SPAG5: variants seen among roughly 807,000 people sequenced by gnomAD.
The protein encoded by SPAG5 is sperm-associated antigen 5.
Under a neutral mutation model 145.4 loss-of-function variants are expected in SPAG5, and 99 were observed. The observed-to-expected ratio is 0.68, with a 90% confidence interval of 0.58 to 0.80. SPAG5 has a LOEUF of 0.80. Ranked by LOEUF, SPAG5 falls within the 30% of genes least tolerant of loss-of-function variation. The pLI, the probability that SPAG5 is intolerant of heterozygous loss-of-function variation, is 0.00. For synonymous variants in SPAG5, 477 were observed against 525.4 expected (o/e 0.91, Z 1.26); for missense variants, 1,192 against 1,416.0 (o/e 0.84, Z 2.54).
At chr17:28,588,684 ATTG>A (rs567385942) in intron 4 of SPAG5, among the ~76,000 whole-genome samples, 2 of 151,952 alleles carry the variant, frequency 1.3e-5, no homozygotes, top group Non-Finnish European at 2.9e-5. Context: ...CCTCTAGAAC[ATTG>A]TTGTTGTTGT....
chr17:28,579,506 T>C (rs756269999), intron 17 of SPAG5, 21 bp from the exon 18 acceptor site: 16 of 1,611,812 alleles, frequency 9.9e-6, no homozygotes, highest in Admixed American at 1.7e-5. Context: ...AAGTCCCAGA[T>C]AGAGGTCTAG....
chr17:28,585,513 A>T (rs757997305), intron 8 of SPAG5, 21 bp downstream of exon 8: 1 of 1,614,010 alleles, frequency 6.2e-7, no homozygotes, highest in Non-Finnish European at 8.5e-7. Context: ...GACCCCAGGA[A>T]AGAAAATGCC....
chr17:28,582,355 C>G (rs2070554653), intron 15 of SPAG5, among the ~76,000 whole-genome samples: 1 of 152,216 alleles, frequency 6.6e-6, no homozygotes, highest in African/African-American at 2.4e-5. Context: ...ACGTACGACT[C>G]TCATATGTAG....
chr17:28,582,320 T>G (rs187009724), intron 15 of SPAG5, among the ~76,000 whole-genome samples: 1 of 152,286 alleles, frequency 6.6e-6, no homozygotes, highest in African/African-American at 2.4e-5. Context: ...AAAGAACACA[T>G]CATGTACTAT....
chr17:28,590,049 G>T (rs1339118740), intron 4 of SPAG5, among the ~76,000 whole-genome samples: 7 of 152,176 alleles, frequency 4.6e-5, no homozygotes, highest in African/African-American at 1.7e-4. Flanking sequence ...TTAGGATAGA[G>T]AAATCTTTTA....
Position 28,578,594 on chromosome 17 carries a change from C to A in SPAG5, c.3199-66G>T, listed in dbSNP as rs768858342. On this transcript the variant is annotated intron_variant, in intron 20 of 23. Coordinates refer to ENST00000321765, the MANE Select transcript of SPAG5 (RefSeq NM_006461.4). ...ATAGACAACATGTGGTGAACAAAAG[C>A]AAACCATTTCTCATACTTGGGATCC... is the stretch of plus-strand genomic sequence containing the variant. The A allele has an allele frequency of 3.4e-4, 548 of 1,609,280 alleles. 2 individuals carry two copies. Among genetic ancestry groups the A allele is most frequent in the Non-Finnish European group, 1.8e-4 (212 of 1,177,346 alleles).
In SPAG5 at chr17:28,592,516, G is replaced by A; in HGVS notation, c.728C>T (p.Ser243Phe). The change falls in exon 3 of 24, where the codon TCC (serine) becomes TTC (phenylalanine). Residue 243 changes from serine (S) to phenylalanine (F), a missense_variant. Physicochemically the swap from Ser to Phe is radical, Grantham distance 155 (BLOSUM62 -2). Coordinates refer to ENST00000321765, the MANE Select transcript of SPAG5 (RefSeq NM_006461.4). Reference protein sequence around the residue: ...VPSESNAFLPSSVLWLSPSTA... With the variant: ...VPSESNAFLPFSVLWLSPSTA... The stretch of plus-strand genomic sequence containing the variant: ...TGAAGGGGAAAGCCAGAGAACAGAG[G>A]AAGGCAAGAAGGCGTTACTTTCAGA... The A allele has an allele frequency of 6.2e-7, 1 of 1,614,138 alleles. No homozygotes were observed. Among genetic ancestry groups the A allele is most frequent in the Non-Finnish European group, 8.5e-7 (1 of 1,180,038 alleles).
At chr17:28,596,742 T>C (rs888741500) in intron 2 of SPAG5, among the ~76,000 whole-genome samples, 14 of 152,210 alleles carry the variant, frequency 9.2e-5, no homozygotes, top group Non-Finnish European at 1.8e-4. Flanking sequence ...CTAGTACTTA[T>C]TTATTTTTCA....
chr17:28,591,906 AAAG>A, intron 3 of SPAG5, 34 bp from the exon 4 acceptor site: 5 of 1,610,870 alleles, frequency 3.1e-6, no homozygotes, highest in Non-Finnish European at 3.4e-6. Context: ...GACGAAAAGA[AAAG>A]GAGGGGAAGG....
chr17:28,582,316 C>T (rs1024456682), intron 15 of SPAG5, among the ~76,000 whole-genome samples: 1 of 152,212 alleles, frequency 6.6e-6, no homozygotes, highest in African/African-American at 2.4e-5. Flanking sequence ...TAAAAAAGAA[C>T]ACATCATGTA....
chr17:28,594,439 C>G lies in SPAG5; in HGVS notation c.178-1373G>C, dbSNP rs542957443. Among the ~76,000 whole-genome samples the G allele has an allele frequency of 1.4e-3, 206 of 152,122 alleles. 1 individual carries two copies. Among genetic ancestry groups the G allele is most frequent in the Middle Eastern group, 0.01 (3 of 294 alleles). ...TGAAACCCCGTCTCTACTAAAAATA[C>G]AAAAAATTAGCTGGCTGTGGTGGCG... On this transcript the variant is annotated intron_variant, in intron 2 of 23. Coordinates refer to ENST00000321765, the MANE Select transcript of SPAG5 (RefSeq NM_006461.4).
rs763508195 is a variant in SPAG5 at position 28,598,998 on chromosome 17, T to G, written c.-52A>C. 5 of 1,568,492 alleles carry G rather than the reference T, an allele frequency of 3.2e-6. No individual in the cohort carries two copies. In the African/African-American group the frequency reaches 6.8e-5, roughly 21 times the overall value. Reference sequence around the variant, plus strand: ...GTCTCAGACCAAGTCGAGGACGCCATGTTCACCCGCCGTCTGTGTTTGAAC... The same window carrying G: ...GTCTCAGACCAAGTCGAGGACGCCAGGTTCACCCGCCGTCTGTGTTTGAAC... On this transcript the variant is annotated 5_prime_UTR_variant, in exon 1 of 24. It removes an upstream start codon present in the reference 5' UTR. Transcript: ENST00000321765.
rs1444732214 is a variant in SPAG5, at chr17:28,597,584, TG to T, written c.177+925del. Among the ~76,000 whole-genome samples the T allele has an allele frequency of 1.2e-4, 18 of 152,362 alleles. No homozygotes were observed. The South Asian group carries it at 1.4e-3, about 12-fold the overall frequency. On this transcript the variant is annotated intron_variant, in intron 2 of 23. Transcript: ENST00000321765. ...ATTTTGCAACTCTTTCAAGAAAGAC[TG>T]CTATGCTATCATCATACTTCTGTTA...
chr17:28,590,895 T>TAAAAAAAAAA (rs2070617021), intron 4 of SPAG5, among the ~76,000 whole-genome samples: 1 of 113,268 alleles, frequency 8.8e-6, no homozygotes, highest in Non-Finnish European at 1.9e-5. Flanking sequence ...AAAAAAAAAC[T>TAAAAAAAAAA]AAAAGTATAA....
chr17:28,589,699 C>T (rs1000709293), intron 4 of SPAG5, among the ~76,000 whole-genome samples: 3 of 152,066 alleles, frequency 2.0e-5, no homozygotes, highest in Admixed American at 6.5e-5. Flanking sequence ...CACTTGAGCC[C>T]AGGGGTTTGA....
At chr17:28,583,786 C>A in intron 14 of SPAG5, 67 bp downstream of exon 14, 1 of 1,566,912 alleles carries the variant, frequency 6.4e-7, no homozygotes, top group South Asian at 1.2e-5. Flanking sequence ...GAGATTTTGG[C>A]TTCTAGAAGT....
intron 18 of SPAG5, 51 bp downstream of exon 18, chr17:28,579,314 A>C: frequency 1.2e-6 from 2 of 1,613,780 alleles, no homozygotes; most frequent in Non-Finnish European, 1.7e-6. Flanking sequence ...GACCCTTGGC[A>C]TAAGAGGATG....
In SPAG5 at chr17:28,579,262, G is replaced by T; in HGVS notation, c.3006-10C>A. 6.2e-7 allele frequency: 1 copy of T among 1,614,048 alleles called. No homozygotes were observed. Among genetic ancestry groups the T allele is most frequent in the Non-Finnish European group, 8.5e-7 (1 of 1,179,912 alleles). ...AGCTTGCAGCTCACAACTGAAGGAAGGAAGAATTTAGCAACATTCCTGTCC... is the reference window on the plus strand; with the variant it reads ...AGCTTGCAGCTCACAACTGAAGGAATGAAGAATTTAGCAACATTCCTGTCC... On this transcript the variant is annotated splice_polypyrimidine_tract_variant and intron_variant, in intron 18 of 23. Transcript: ENST00000321765.
Position 28,580,022 on chromosome 17 carries a change from T to A in SPAG5, c.2784A>T (p.Ala928=), listed in dbSNP as rs567122837. The change falls in exon 16 of 24, where the codon GCA becomes GCT. Residue 928 remains alanine (A), a synonymous_variant. Coordinates refer to ENST00000321765, the MANE Select transcript of SPAG5 (RefSeq NM_006461.4). ...DRTFLGSILT[A]VADEEPESTP... is the part of the protein sequence containing the mutation. ...AGGGCCTTTAACCTTCATCTGCCAC[T>A]GCTGTCAAGATGCTTCCCAGGAAGG... is the stretch of plus-strand genomic sequence containing the variant. 28 of 1,613,558 alleles carry A rather than the reference T, an allele frequency of 1.7e-5. No individual in the cohort carries two copies. Among genetic ancestry groups the A allele is most frequent in the African/African-American group, 4.0e-5 (3 of 74,934 alleles).
Sources: gnomAD v4.1 joint callset for allele counts (sites outside exome capture counted in the v4.1 genomes callset) on GRCh38, gnomAD v4.1.1 for gene constraint, MANE v1.5 for transcripts, NCBI Gene and HGNC (gene_info 2026-07-23, HGNC 2026-07-21) for gene names.